The following SLC1A6 variants were observed in gnomAD, a reference collection of about 807,000 sequenced individuals.
The protein encoded by SLC1A6 is excitatory amino acid transporter 4.
A neutral mutation model predicts 42.1 loss-of-function variants in SLC1A6; 15 were observed. The observed-to-expected ratio is 0.36, with a 90% CI of 0.24 to 0.55. SLC1A6 has a LOEUF of 0.55. Ranked by LOEUF, SLC1A6 falls within the 20% of genes least tolerant of loss-of-function variation. SLC1A6 has a pLI of 0.88. For missense variants in SLC1A6, 542 were observed against 772.5 expected, an observed-to-expected ratio of 0.70 and a Z score of 3.54; for synonymous variants, 317 against 319.7, an observed-to-expected ratio of 0.99 and a Z score of 0.09.
chr19:14,968,338 G>A lies in SLC1A6; in HGVS notation c.513C>T (p.Thr171=). Residue 171 remains threonine, a synonymous_variant, in exon 4 of 10, where the codon ACC becomes ACT. Transcript: ENST00000594383. ...EGLHREGRIE[T]IPTADAFMDL... Reference sequence around the variant, plus strand: ...CCATGAAGGCATCAGCTGTGGGGATGGTCTCGATCCGGCCCTCCCGGTGCA... The same window carrying A: ...CCATGAAGGCATCAGCTGTGGGGATAGTCTCGATCCGGCCCTCCCGGTGCA... 1.2e-6 allele frequency: 2 copies of A among 1,613,712 alleles called. No homozygotes were observed. Among genetic ancestry groups the A allele is most frequent in the East Asian group, 2.2e-5 (1 of 44,874 alleles).
At chr19:14,989,278 T>A (rs1307867183) in intron 1 of SLC1A6, among the ~76,000 whole-genome samples, 2 of 152,028 alleles carry the variant, frequency 1.3e-5, no homozygotes, top group Non-Finnish European at 2.9e-5. Flanking sequence ...AAAAATTTTT[T>A]AAGGAGGAGT....
At chr19:14,992,955 G>A (rs1051769478) in intron 1 of SLC1A6, among the ~76,000 whole-genome samples, 4 of 152,204 alleles carry the variant, frequency 2.6e-5, no homozygotes, top group South Asian at 2.1e-4. Flanking sequence ...CATCCCCGCA[G>A]CCCCCAGAGT....
upstream of SLC1A6, chr19:14,980,109 C>G (rs1029572563): frequency 5.3e-5 from 8 of 152,306 alleles, no homozygotes; most frequent in African/African-American, 1.2e-4. Flanking sequence ...TCCGCTGCCC[C>G]CTTCTCCTTG....
chr19:14,998,295 C>G (rs1420671086), intron 1 of SLC1A6, among the ~76,000 whole-genome samples: 2 of 152,136 alleles, frequency 1.3e-5, no homozygotes, highest in Admixed American at 1.3e-4. Flanking sequence ...AATCCCAGCA[C>G]TTTGGGAGGC....
chr19:14,993,952 G>A (rs1383736300), intron 1 of SLC1A6, among the ~76,000 whole-genome samples: 1 of 152,012 alleles, frequency 6.6e-6, no homozygotes, highest in African/African-American at 2.4e-5. Context: ...AGAATGCTTG[G>A]GTGCAGGCGG....
At chr19:15,006,533 T>C (rs1460823821) in intron 1 of SLC1A6, among the ~76,000 whole-genome samples, 1 of 151,774 alleles carries the variant, frequency 6.6e-6, no homozygotes, top group Non-Finnish European at 1.5e-5. Context: ...TGGTTGCCCA[T>C]CTTATTCCCC....
At chr19:14,970,098 C>T (rs556281884) in intron 3 of SLC1A6, among the ~76,000 whole-genome samples, 29 of 152,184 alleles carry the variant, frequency 1.9e-4, no homozygotes, top group African/African-American at 7.0e-4. Flanking sequence ...TTTTAATAGA[C>T]AGGGTCTCAC....
chr19:14,978,771 A>G (rs139873393), intron 1 of SLC1A6, among the ~76,000 whole-genome samples: 28 of 150,864 alleles, frequency 1.9e-4, no homozygotes, highest in African/African-American at 6.3e-4. Flanking sequence ...CAGTCATACA[A>G]TTCTGCACAC....
upstream of SLC1A6, among the ~76,000 whole-genome samples, chr19:14,981,448 A>T (rs891426432): frequency 3.3e-5 from 5 of 152,166 alleles, no homozygotes; most frequent in African/African-American, 7.2e-5. Flanking sequence ...TAGATGTCAG[A>T]TTCCCCTGGA....
In SLC1A6 at chr19:14,956,542, C is replaced by A. The variant is rs188504788; in HGVS notation, c.1103G>T (p.Arg368Leu). 6.2e-7 allele frequency: 1 copy of A among 1,612,226 alleles called. No individual in the cohort carries two copies. Among genetic ancestry groups the A allele is most frequent in the African/African-American group, 1.3e-5 (1 of 74,812 alleles). The change falls in exon 7 of 10, where the codon CGG (arginine) becomes CTG (leucine). Residue 368 changes from arginine to leucine, a missense_variant. Coordinates refer to ENST00000594383, the MANE Select transcript of SLC1A6 (RefSeq NM_005071.3). ...GCCCCCAATGAAGGGGAAGGGGTTC[C>A]GGTGAGTGACGAGGAAGTAGATGAG... ...LPLIYFLVTHRNPFPFIGGML... is the reference protein window; with the variant it reads ...LPLIYFLVTHLNPFPFIGGML...
Position 14,972,902 on chromosome 19 carries a change from G to A in SLC1A6, c.9C>T (p.Ser3=), listed in dbSNP as rs1437018253. 1 of 1,583,570 alleles carries A rather than the reference G, an allele frequency of 6.3e-7. No homozygotes were observed. The highest frequency in any genetic ancestry group is 8.6e-7 in the Non-Finnish European group (1 of 1,164,932). ...CCCGCAGGAACAGGCTGTTGCCATG[G>A]CTGCTCATGGTCTATCTGCGGGAAA... MS[S]HGNSLFLRES... Residue 3 remains serine, a synonymous_variant, in exon 2 of 10, where the codon AGC becomes AGT. Transcript: ENST00000594383.
chr19:14,962,425 G>A (rs1274466274), intron 5 of SLC1A6, 80 bp from the exon 6 acceptor site: 1 of 960,174 alleles, frequency 1.0e-6, no homozygotes, highest in African/African-American at 1.6e-5. Flanking sequence ...TGAGACCACT[G>A]ATTCCCAGTT....
intron 8 of SLC1A6, 79 bp downstream of exon 8, chr19:14,954,056 C>CACCCA: frequency 8.9e-7 from 1 of 1,129,826 alleles, no homozygotes; most frequent in Non-Finnish European, 1.3e-6. Flanking sequence ...AGGCCCCCTC[C>CACCCA]TCCCTCCCCA....
At chr19:14,968,692 A>T (rs1332481028) in intron 3 of SLC1A6, among the ~76,000 whole-genome samples, 185 bp from the exon 4 acceptor site, 1 of 151,442 alleles carries the variant, frequency 6.6e-6, no homozygotes, top group Non-Finnish European at 1.5e-5. Flanking sequence ...TCTACTTCTA[A>T]TTTTCCAAAT....
chr19:14,956,158 C>T (rs1027135054), intron 7 of SLC1A6, among the ~76,000 whole-genome samples: 21 of 152,068 alleles, frequency 1.4e-4, no homozygotes, highest in African/African-American at 5.1e-4. Context: ...GACACCATCT[C>T]ACAAGTGGAG....
intron 1 of SLC1A6, among the ~76,000 whole-genome samples, chr19:15,008,230 C>T (rs542136287): frequency 5.7e-4 from 87 of 151,672 alleles, no homozygotes; most frequent in Middle Eastern, 3.4e-3. Flanking sequence ...CTATAGTCCT[C>T]GCTTTTTGGG....
At chr19:14,988,029 C>T (rs8106909) in intron 1 of SLC1A6, among the ~76,000 whole-genome samples, 26,245 of 151,914 alleles carry the variant, frequency 0.17, 3,318 homozygotes, top group African/African-American at 0.36. Context: ...AAAAATCAGC[C>T]GGGCGTGGTG....
upstream of SLC1A6, among the ~76,000 whole-genome samples, chr19:14,983,593 C>T (rs1464623844): frequency 1.3e-5 from 2 of 151,710 alleles, no homozygotes; most frequent in South Asian, 2.1e-4. Flanking sequence ...GAGGCTGAGG[C>T]GGGAGGATCG....
intron 5 of SLC1A6, among the ~76,000 whole-genome samples, chr19:14,962,946 A>C (rs2045532224): frequency 6.6e-6 from 1 of 152,176 alleles, no homozygotes; most frequent in African/African-American, 2.4e-5. Context: ...CAGCAATCCC[A>C]CTACTGTATA....
Sources: allele counts gnomAD v4.1 joint callset (sites outside exome capture counted in the v4.1 genomes callset), GRCh38; gene constraint gnomAD v4.1.1; transcripts MANE v1.5; gene names NCBI Gene and HGNC (gene_info 2026-07-23, HGNC 2026-07-21).